RBM19: variants seen among roughly 807,000 people sequenced by gnomAD.
RBM19 encodes RNA binding motif protein 19.
RBM19 carries 94 observed loss-of-function variants against 116.8 expected under a neutral mutation model. The observed-to-expected ratio is 0.80, with a 90% CI of 0.68 to 0.95. The LOEUF is 0.95. Among genes scored for constraint, RBM19 ranks in the 40% least tolerant of loss-of-function variants. The probability of loss-of-function intolerance (pLI) is 0.00; values close to 1 mark genes in which losing one functional copy is unlikely to be tolerated. For synonymous variants in RBM19, 475 were observed against 494.1 expected (o/e 0.96, Z 0.51); for missense variants, 1,161 against 1,220.7 (o/e 0.95, Z 0.73).
At chr12:113,905,814 A>G (rs1177495879) in intron 21 of RBM19, among the ~76,000 whole-genome samples, 1 of 152,258 alleles carries the variant, frequency 6.6e-6, no homozygotes, top group Non-Finnish European at 1.5e-5. Context: ...GACATCCCAC[A>G]AGAGACAATA....
intron 7 of RBM19, among the ~76,000 whole-genome samples, chr12:113,953,641 G>A (rs1166364481): frequency 6.6e-6 from 1 of 152,128 alleles, no homozygotes; most frequent in African/African-American, 2.4e-5. Context: ...CAGGAAAATG[G>A]GCACTTGTAG....
At chr12:113,937,437 T>C (rs940422024) in intron 15 of RBM19, among the ~76,000 whole-genome samples, 4 of 151,976 alleles carry the variant, frequency 2.6e-5, no homozygotes, top group African/African-American at 9.7e-5. Context: ...AACTCTAAAG[T>C]TTCATACTTT....
intron 21 of RBM19, among the ~76,000 whole-genome samples, chr12:113,892,852 A>G (rs1020131465): frequency 7.9e-5 from 12 of 152,152 alleles, no homozygotes; most frequent in Non-Finnish European, 1.5e-4. Flanking sequence ...CTAAAGTGGT[A>G]TCCGTGTTCG....
intron 6 of RBM19, among the ~76,000 whole-genome samples, chr12:113,957,280 A>C (rs985114761): frequency 2.6e-5 from 4 of 152,232 alleles, no homozygotes; most frequent in African/African-American, 9.6e-5. Context: ...TTAGCAACAG[A>C]AAATAAATGC....
Position 113,960,112 on chromosome 12 carries a change from G to T in RBM19, c.286C>A (p.Pro96Thr). 1 of 1,614,192 alleles carries T rather than the reference G, an allele frequency of 6.2e-7. No homozygotes were observed. The highest frequency in any genetic ancestry group is 8.5e-7 in the Non-Finnish European group (1 of 1,180,028). Residue 96 changes from proline (P) to threonine (T), a missense_variant, in exon 3 of 24, where the codon CCA becomes ACA. Pro to Thr is a conservative substitution (Grantham distance 38). Transcript: ENST00000261741. Reference sequence around the variant, plus strand: ...TTTGGAGGCTGCTTGGGCTGGCTTGGTTTCTGGGCATGTTTGCTCCAGGCT... The same window carrying T: ...TTTGGAGGCTGCTTGGGCTGGCTTGTTTTCTGGGCATGTTTGCTCCAGGCT... The part of the protein sequence containing the change: ...PRAWSKHAQK[P>T]SQPKQPPKDS...
At position 113,923,495 on chromosome 12, in the gene RBM19, T is replaced by A. The variant is rs553998101; in HGVS notation, c.2305+1202A>T. 9.2e-5 allele frequency among the ~76,000 whole-genome samples: 14 copies of A among 152,350 alleles called. 1 individual carries two copies. Among genetic ancestry groups the A allele is most frequent in the Middle Eastern group, 3.4e-3 (1 of 294 alleles). On this transcript the variant is annotated intron_variant, in intron 18 of 23. Coordinates refer to ENST00000261741, the MANE Select transcript of RBM19 (RefSeq NM_016196.4). Reference sequence around the variant, plus strand: ...TGTTCTGACTTCTGTGCTGTATGTCTGCTTAGAACCCTCCATGGCTCCCCA... The same window carrying A: ...TGTTCTGACTTCTGTGCTGTATGTCAGCTTAGAACCCTCCATGGCTCCCCA...
intron 21 of RBM19, among the ~76,000 whole-genome samples, chr12:113,897,891 A>G (rs1881446980): frequency 6.6e-6 from 1 of 152,214 alleles, no homozygotes; most frequent in Admixed American, 6.5e-5. Context: ...GCCTCTGGCC[A>G]CATCCCATTC....
intron 23 of RBM19, among the ~76,000 whole-genome samples, chr12:113,843,523 A>G (rs1220506666): frequency 6.6e-6 from 1 of 152,218 alleles, no homozygotes; most frequent in Admixed American, 6.5e-5. Context: ...AAGGCAGAGA[A>G]GCTCCCCAGC....
chr12:113,884,859 AATAATG>A (rs1880414764), intron 21 of RBM19, among the ~76,000 whole-genome samples: 5 of 152,212 alleles, frequency 3.3e-5, no homozygotes, highest in Admixed American at 2.6e-4. Flanking sequence ...AAACAAAATA[AATAATG>A]ATAATAATGG....
chr12:113,861,171 C>T (rs541547102), intron 21 of RBM19, among the ~76,000 whole-genome samples: 5 of 152,332 alleles, frequency 3.3e-5, no homozygotes, highest in South Asian at 2.1e-4. Flanking sequence ...TGACTCAACC[C>T]GCTTGCATCA....
intron 22 of RBM19, among the ~76,000 whole-genome samples, chr12:113,853,660 G>A (rs1044475934): frequency 6.6e-6 from 1 of 152,152 alleles, no homozygotes; most frequent in Non-Finnish European, 1.5e-5. Flanking sequence ...AATGGCTATT[G>A]GTGGCCACTC....
At chr12:113,955,523 T>G (rs2135935194) in intron 6 of RBM19, among the ~76,000 whole-genome samples, 1 of 151,996 alleles carries the variant, frequency 6.6e-6, no homozygotes, top group South Asian at 2.1e-4. Flanking sequence ...AAGAACGGGG[T>G]GTCAGTACCA....
intron 21 of RBM19, among the ~76,000 whole-genome samples, chr12:113,906,439 A>G (rs1882050579): frequency 6.6e-6 from 1 of 152,170 alleles, no homozygotes. Flanking sequence ...AAGTTAAGAG[A>G]GTGGCTGCTC....
At chr12:113,918,309 G>T in intron 20 of RBM19, 83 bp downstream of exon 20, 2 of 1,346,476 alleles carry the variant, frequency 1.5e-6, no homozygotes, top group South Asian at 1.2e-5. Context: ...TTGAAGGGTT[G>T]TGAGACAGCC....
At chr12:113,905,781 A>T (rs1882001868) in intron 21 of RBM19, among the ~76,000 whole-genome samples, 1 of 152,256 alleles carries the variant, frequency 6.6e-6, no homozygotes, top group South Asian at 2.1e-4. Context: ...CAGTTTTTAA[A>T]AAGTGGGCAA....
chr12:113,949,984 T>C, intron 9 of RBM19, 99 bp downstream of exon 9: 5 of 1,081,512 alleles, frequency 4.6e-6, no homozygotes, highest in Admixed American at 2.0e-5. Context: ...ACTGCATTCT[T>C]GGTGGTGGTG....
chr12:113,844,281 T>G (rs1213012560), intron 23 of RBM19, among the ~76,000 whole-genome samples: 3 of 152,130 alleles, frequency 2.0e-5, no homozygotes, highest in Non-Finnish European at 4.4e-5. Flanking sequence ...ATCCCTGCCC[T>G]GCGGACACCG....
rs1170425432 is a variant in RBM19 at position 113,825,813 on chromosome 12, C to A, written c.2786-2492G>T. The stretch of plus-strand genomic sequence containing the variant: ...CACCCCTGGGCCGTGCCACCATTGC[C>A]TCTGGCTTCCTCTGCCCTCCTCCCA... On this transcript the variant is annotated intron_variant, in intron 23 of 23. Transcript: ENST00000261741. This position sits in a 1 kb window ranked among gnomAD's most constrained non-coding sequence, Gnocchi z 5.7. Among the ~76,000 whole-genome samples the A allele has an allele frequency of 1.3e-5, 2 of 152,240 alleles. No homozygotes were observed. Among genetic ancestry groups the A allele is most frequent in the African/African-American group, 4.8e-5 (2 of 41,460 alleles).
At chr12:113,959,774 C>CACCCTCTCCCAGCCTCT in intron 4 of RBM19, 91 bp downstream of exon 4, 1 of 1,478,742 alleles carries the variant, frequency 6.8e-7, no homozygotes, top group African/African-American at 1.4e-5. Context: ...TCCTAGCCTC[C>CACCCTCTCCCAGCCTCT]ACCCTCTCCC....
Sources: gnomAD v4.1 joint callset for allele counts (sites outside exome capture counted in the v4.1 genomes callset) on GRCh38, gnomAD v4.1.1 for gene constraint, Gnocchi (gnomAD v3.1) non-coding constraint, MANE v1.5 for transcripts, NCBI Gene and HGNC (gene_info 2026-07-23, HGNC 2026-07-21) for gene names.